KCNB2: variants seen among roughly 807,000 people sequenced by gnomAD.
The protein encoded by KCNB2 is potassium voltage-gated channel subfamily B member 2, also known as delayed rectifier potassium channel protein.
Under a neutral mutation model 61.5 loss-of-function variants are expected in KCNB2, and 15 were observed. The observed-to-expected ratio is 0.24, with a 90% CI of 0.16 to 0.38. The LOEUF (loss-of-function observed/expected upper bound fraction) is 0.38. Among genes scored for constraint, KCNB2 ranks in the 10% least tolerant of loss-of-function variants. The pLI, the probability that KCNB2 is intolerant of heterozygous loss-of-function variation, is 1.00. For missense variants in KCNB2, 828 were observed against 1,125.2 expected, an observed-to-expected ratio of 0.74 and a Z score of 3.78; for synonymous variants, 457 against 446.0, an observed-to-expected ratio of 1.02 and a Z score of -0.31.
At chr8:72,929,470 T>C (rs1393288040) in intron 2 of KCNB2, among the ~76,000 whole-genome samples, 9 of 152,226 alleles carry the variant, frequency 5.9e-5, no homozygotes, top group Admixed American at 1.3e-4. Flanking sequence ...AGAATGTCTA[T>C]TCCCAGTAAC....
At chr8:72,682,936 A>G (rs941802071) in intron 2 of KCNB2, among the ~76,000 whole-genome samples, 8 of 152,188 alleles carry the variant, frequency 5.3e-5, no homozygotes, top group African/African-American at 1.9e-4. Context: ...TCACCTAGGC[A>G]ACTTTGATAA....
chr8:72,780,128 C>G (rs578240959), intron 2 of KCNB2, among the ~76,000 whole-genome samples: 6 of 152,104 alleles, frequency 3.9e-5, no homozygotes, highest in Non-Finnish European at 8.8e-5. Context: ...ACACTCAGAG[C>G]TAAGAGCCAA....
chr8:72,552,083 A>G (rs1391591208), intron 1 of KCNB2, among the ~76,000 whole-genome samples: 2 of 152,172 alleles, frequency 1.3e-5, no homozygotes, highest in African/African-American at 2.4e-5. Context: ...ATTCTTCTTG[A>G]CAAGGACCAA....
At chr8:72,561,789 A>ATGTGTATATATATATATATATG (rs1491494090) in intron 1 of KCNB2, among the ~76,000 whole-genome samples, 2 of 33,580 alleles carry the variant, frequency 6.0e-5, no homozygotes, top group Non-Finnish European at 5.5e-5. Context: ...ATATATATAT[A>ATGTGTATATATATATATATATG]CATATATATA....
At chr8:72,692,780 AATT>A (rs1806959802) in intron 2 of KCNB2, among the ~76,000 whole-genome samples, 1 of 148,904 alleles carries the variant, frequency 6.7e-6, no homozygotes, top group African/African-American at 2.4e-5. Flanking sequence ...ATTATTATTT[AATT>A]ATTTATTTAT....
intron 2 of KCNB2, among the ~76,000 whole-genome samples, chr8:72,892,573 A>C (rs1585957044): frequency 1.3e-5 from 2 of 152,138 alleles, no homozygotes; most frequent in African/African-American, 4.8e-5. Flanking sequence ...AAGTTTACAG[A>C]CCATCCATAT....
intron 2 of KCNB2, among the ~76,000 whole-genome samples, chr8:72,889,272 A>T (rs1374044603): frequency 6.6e-6 from 1 of 152,216 alleles, no homozygotes. Context: ...TACTGAGGCT[A>T]AATAACTTAT....
At chr8:72,887,240 A>G (rs1219367801) in intron 2 of KCNB2, among the ~76,000 whole-genome samples, 1 of 152,208 alleles carries the variant, frequency 6.6e-6, no homozygotes, top group Non-Finnish European at 1.5e-5. Flanking sequence ...AATGCAGTCC[A>G]CATCACACCT....
intron 2 of KCNB2, among the ~76,000 whole-genome samples, chr8:72,721,250 C>T (rs1807542527): frequency 6.6e-6 from 1 of 152,222 alleles, no homozygotes; most frequent in Non-Finnish European, 1.5e-5. Flanking sequence ...TTTATTGGAT[C>T]TCTCTCAAGC....
intron 2 of KCNB2, among the ~76,000 whole-genome samples, chr8:72,836,921 C>A (rs76038222): frequency 1.3e-5 from 2 of 152,064 alleles, no homozygotes; most frequent in Admixed American, 1.3e-4. Context: ...AAATAACAAA[C>A]AAACAAACAA....
intron 1 of KCNB2, among the ~76,000 whole-genome samples, chr8:72,549,079 C>T (rs1418536143): frequency 2.0e-5 from 3 of 152,196 alleles, no homozygotes; most frequent in Non-Finnish European, 4.4e-5. Flanking sequence ...TACTTTGCTA[C>T]AGGCAGTGAG....
In KCNB2 at chr8:72,936,315, C is replaced by G; in HGVS notation, c.960C>G (p.Gly320=). 1 of 1,614,228 alleles carries G rather than the reference C, an allele frequency of 6.2e-7. No individual in the cohort carries two copies. Residue 320 remains glycine, a synonymous_variant, in exon 3 of 3, where the codon GGC becomes GGG. Coordinates refer to ENST00000523207, the MANE Select transcript of KCNB2 (RefSeq NM_004770.3). The surrounding 1 kb of genome is among the most constrained non-coding windows in gnomAD (Gnocchi z 5.6). The stretch of plus-strand genomic sequence containing the variant: ...TGAAACTCGCCAGGCATTCGACAGG[C>G]CTGCAGTCTCTGGGTTTCACCCTTA... ...RILKLARHST[G]LQSLGFTLRR...
intron 2 of KCNB2, among the ~76,000 whole-genome samples, chr8:72,852,187 G>A (rs932688610): frequency 6.6e-6 from 1 of 152,316 alleles, no homozygotes; most frequent in South Asian, 2.1e-4. Flanking sequence ...TTGAGCCTGG[G>A]AGGTCAAGGC....
intron 2 of KCNB2, chr8:72,619,367 A>C (rs2128984066): frequency 1.9e-6 from 1 of 540,218 alleles, no homozygotes; most frequent in Admixed American, 2.2e-5. Flanking sequence ...ATTTATATTC[A>C]CTTGCTTTCT....
At chr8:72,788,067 G>A (rs1311206497) in intron 2 of KCNB2, among the ~76,000 whole-genome samples, 1 of 152,076 alleles carries the variant, frequency 6.6e-6, no homozygotes, top group Non-Finnish European at 1.5e-5. Flanking sequence ...TTGTAAAGAG[G>A]ATTAAATAAG....
chr8:72,607,915 A>T (rs1243717755), intron 2 of KCNB2, among the ~76,000 whole-genome samples: 1 of 152,230 alleles, frequency 6.6e-6, no homozygotes, highest in Non-Finnish European at 1.5e-5. Context: ...GTACATAAAA[A>T]TACAGAAATT....
At chr8:72,782,746 G>A (rs1365619875) in intron 2 of KCNB2, among the ~76,000 whole-genome samples, 1 of 152,090 alleles carries the variant, frequency 6.6e-6, no homozygotes, top group African/African-American at 2.4e-5. Context: ...CTGGCTGTGA[G>A]TGAAGTTCAA....
chr8:72,757,483 A>T (rs1237335777), intron 2 of KCNB2, among the ~76,000 whole-genome samples: 1 of 152,214 alleles, frequency 6.6e-6, no homozygotes, highest in East Asian at 1.9e-4. Flanking sequence ...TATAAGGTAT[A>T]GGGAAAGAGA....
chr8:72,808,151 A>T (rs1809253117), intron 2 of KCNB2, among the ~76,000 whole-genome samples: 1 of 152,174 alleles, frequency 6.6e-6, no homozygotes, highest in African/African-American at 2.4e-5. Context: ...GCTGACAGGG[A>T]TCAGTACTGC....
Sources: allele counts gnomAD v4.1 joint callset (sites outside exome capture counted in the v4.1 genomes callset), GRCh38; gene constraint gnomAD v4.1.1; non-coding constraint Gnocchi (gnomAD v3.1); transcripts MANE v1.5; gene names NCBI Gene and HGNC (gene_info 2026-07-23, HGNC 2026-07-21).